The following IGF2BP3 variants were observed in gnomAD, a reference collection of about 807,000 sequenced individuals.
The protein encoded by IGF2BP3 is insulin-like growth factor 2 mRNA-binding protein 3.
In IGF2BP3, 9 loss-of-function variants were observed where a neutral mutation model predicts 73.8. The observed-to-expected ratio is 0.12, with a 90% CI of 0.07 to 0.21. IGF2BP3 has a LOEUF of 0.21. Ranked by LOEUF, IGF2BP3 falls within the 10% of genes least tolerant of loss-of-function variation. The pLI, the probability that IGF2BP3 is intolerant of heterozygous loss-of-function variation, is 1.00. For missense variants in IGF2BP3, 542 were observed against 714.0 expected (o/e 0.76, Z 2.75); for synonymous variants, 258 against 256.7 (o/e 1.01, Z -0.05).
chr7:23,319,134 G>A lies in IGF2BP3; in HGVS notation c.1320+4C>T. On this transcript the variant is annotated splice_donor_region_variant and intron_variant, in intron 11 of 14. Transcript: ENST00000258729. Reference sequence around the variant, plus strand: ...CCAGAGAACCACAGCTGGTAGAACAGTACCTTAATTGAAGCTCCAGCAAAG... The same window carrying A: ...CCAGAGAACCACAGCTGGTAGAACAATACCTTAATTGAAGCTCCAGCAAAG... 1 of 1,588,294 alleles carries A rather than the reference G, an allele frequency of 6.3e-7. No individual in the cohort carries two copies. The highest frequency in any genetic ancestry group is 8.6e-7 in the Non-Finnish European group (1 of 1,157,566).
chr7:23,376,333 G>A (rs1785716965), intron 3 of IGF2BP3, among the ~76,000 whole-genome samples: 3 of 151,862 alleles, frequency 2.0e-5, no homozygotes. Flanking sequence ...AAGGCAGGCG[G>A]ATCACCTGAG....
intron 2 of IGF2BP3, among the ~76,000 whole-genome samples, chr7:23,467,368 A>G (rs1368212845): frequency 6.6e-6 from 1 of 152,172 alleles, no homozygotes; most frequent in African/African-American, 2.4e-5. Context: ...TCTCACCAAT[A>G]TCTAACCAGA....
At chr7:23,360,963 A>G (rs1785210006) in intron 5 of IGF2BP3, among the ~76,000 whole-genome samples, 1 of 152,202 alleles carries the variant, frequency 6.6e-6, no homozygotes, top group Non-Finnish European at 1.5e-5. Context: ...TCCAGCCTAT[A>G]GAATTATCTT....
At chr7:23,313,942 T>G (rs1783903507) in intron 12 of IGF2BP3, among the ~76,000 whole-genome samples, 4 of 152,184 alleles carry the variant, frequency 2.6e-5, no homozygotes, top group Admixed American at 2.6e-4. Context: ...AAAAACGAAT[T>G]TTTGTGGGCA....
intron 2 of IGF2BP3, among the ~76,000 whole-genome samples, chr7:23,465,530 C>CT (rs1554338703): frequency 6.6e-5 from 10 of 151,776 alleles, no homozygotes; most frequent in Non-Finnish European, 1.5e-4. Context: ...GGGTCCCCCC[C>CT]CAAGCTCCAC....
At chr7:23,398,539 A>G (rs1381382153) in intron 3 of IGF2BP3, among the ~76,000 whole-genome samples, 1 of 152,210 alleles carries the variant, frequency 6.6e-6, no homozygotes, top group Non-Finnish European at 1.5e-5. Flanking sequence ...ACAGTGTAAC[A>G]GTGTTCCTAT....
intron 3 of IGF2BP3, among the ~76,000 whole-genome samples, chr7:23,380,005 A>G (rs1158769371): frequency 3.9e-5 from 6 of 152,122 alleles, no homozygotes; most frequent in East Asian, 3.9e-4. Context: ...TTGAATGTCA[A>G]CTTCTAAGAT....
chr7:23,457,560 T>G (rs1250451004), intron 2 of IGF2BP3, among the ~76,000 whole-genome samples: 1 of 152,228 alleles, frequency 6.6e-6, no homozygotes, highest in Non-Finnish European at 1.5e-5. Flanking sequence ...GATGGCTAAA[T>G]TATTGCACAC....
chr7:23,376,331 C>T (rs550537732), intron 3 of IGF2BP3, among the ~76,000 whole-genome samples: 5 of 150,894 alleles, frequency 3.3e-5, no homozygotes, highest in East Asian at 2.0e-4. Flanking sequence ...CCAAGGCAGG[C>T]GGATCACCTG....
rs1188637754 is a variant in IGF2BP3 at position 23,314,533 on chromosome 7, A to G, written c.1396-880T>C. Reference sequence around the variant, plus strand: ...TGCTATGTTGCCACGCTCATCACAAACTCCTGGGCTCAAGAGTCCTGCCTT... The same window carrying G: ...TGCTATGTTGCCACGCTCATCACAAGCTCCTGGGCTCAAGAGTCCTGCCTT... On this transcript the variant is annotated intron_variant, in intron 12 of 14. Coordinates refer to ENST00000258729, the MANE Select transcript of IGF2BP3 (RefSeq NM_006547.3). 3.4e-5 allele frequency among the ~76,000 whole-genome samples: 5 copies of G among 145,614 alleles called. No homozygotes were observed. The East Asian group carries it at 1.1e-3, about 31-fold the overall frequency.
At chr7:23,391,049 T>C (rs1299644679) in intron 3 of IGF2BP3, among the ~76,000 whole-genome samples, 2 of 151,464 alleles carry the variant, frequency 1.3e-5, no homozygotes, top group Non-Finnish European at 2.9e-5. Context: ...TCTGCCCGTC[T>C]CGGCCTCCCA....
At position 23,312,126 on chromosome 7, in the gene IGF2BP3, CCT is replaced by C. The variant is rs1783847667; in HGVS notation, c.*234_*235del. The stretch of plus-strand genomic sequence containing the variant: ...TCTTCTCTTTCCCTCCCTCCCCCAC[CCT>C]TTTTTTGTTTGTTTGTTTGTTTGTT... On this transcript the variant is annotated 3_prime_UTR_variant, in exon 15 of 15. Coordinates refer to ENST00000258729, the MANE Select transcript of IGF2BP3 (RefSeq NM_006547.3). 1 of 450,244 alleles carries C rather than the reference CCT, an allele frequency of 2.2e-6. No homozygotes were observed. The highest frequency in any genetic ancestry group is 3.9e-6 in the Non-Finnish European group (1 of 254,044). The allele number at this position is 450,244 out of a possible 1,614,324, so 27.9% of individuals were successfully genotyped here. A position where few individuals can be genotyped will look rare whatever the true frequency, so the allele number is the denominator to read the frequency against.
chr7:23,312,917 G>GC, intron 13 of IGF2BP3, 69 bp from the exon 14 acceptor site: 1 of 906,410 alleles, frequency 1.1e-6, no homozygotes, highest in Non-Finnish European at 1.8e-6. Flanking sequence ...CACTTACTGT[G>GC]CGCCAGACAG....
In IGF2BP3 at chr7:23,389,200, G is replaced by A. The variant is rs1207060108; in HGVS notation, c.286-27459C>T. On this transcript the variant is annotated intron_variant, in intron 3 of 14. Transcript: ENST00000258729. ...AATTGAGACAGAGTCTCACTCTGTC[G>A]CCCAGGCTGGAGTGCAGCGGCACTA... Among the ~76,000 whole-genome samples, 4 of 146,954 alleles carry A rather than the reference G, an allele frequency of 2.7e-5. No individual in the cohort carries two copies. In the East Asian group the frequency reaches 6.0e-4, roughly 22 times the overall value.
intron 2 of IGF2BP3, among the ~76,000 whole-genome samples, chr7:23,464,902 T>C (rs1788529372): frequency 6.6e-6 from 1 of 152,118 alleles, no homozygotes; most frequent in Non-Finnish European, 1.5e-5. Flanking sequence ...AAAATATGCT[T>C]AGGTTCTTCA....
intron 2 of IGF2BP3, among the ~76,000 whole-genome samples, chr7:23,419,622 C>A (rs1477240856): frequency 6.6e-6 from 1 of 152,186 alleles, no homozygotes; most frequent in Non-Finnish European, 1.5e-5. Flanking sequence ...GTGGCCAAGG[C>A]AGGTGGATCA....
chr7:23,321,965 G>C lies in IGF2BP3; in HGVS notation c.1204-2711C>G, dbSNP rs565621277. 3.9e-5 allele frequency among the ~76,000 whole-genome samples: 6 copies of C among 152,290 alleles called. 1 individual carries two copies. The highest frequency in any genetic ancestry group is 1.4e-4 in the African/African-American group (6 of 41,558). On this transcript the variant is annotated intron_variant, in intron 10 of 14. Coordinates refer to ENST00000258729, the MANE Select transcript of IGF2BP3 (RefSeq NM_006547.3). ...GACCAAAAGTAGATAAAACCACAAA[G>C]ACGGGGAAAAAACAGAGCAAAAAAA...
intron 2 of IGF2BP3, among the ~76,000 whole-genome samples, chr7:23,448,272 G>A (rs933977776): frequency 1.3e-5 from 2 of 152,158 alleles, no homozygotes; most frequent in African/African-American, 4.8e-5. Flanking sequence ...GGCACGACCT[G>A]GTATCAACAT....
chr7:23,445,330 G>A (rs948948868), intron 2 of IGF2BP3, among the ~76,000 whole-genome samples: 1 of 151,944 alleles, frequency 6.6e-6, no homozygotes, highest in Non-Finnish European at 1.5e-5. Context: ...TTTGTATACA[G>A]TGTAACTAAG....
Sources: gnomAD v4.1 joint callset for allele counts (sites outside exome capture counted in the v4.1 genomes callset) on GRCh38, gnomAD v4.1.1 for gene constraint, MANE v1.5 for transcripts, NCBI Gene and HGNC (gene_info 2026-07-23, HGNC 2026-07-21) for gene names.